The following PTGER3 variants were observed in gnomAD, a reference collection of about 807,000 sequenced individuals.
PTGER3 encodes the protein prostaglandin E receptor 3, also known as prostaglandin E2 receptor EP3 subtype.
In PTGER3, 22 loss-of-function variants were observed where a neutral mutation model predicts 34.7. That is an observed-to-expected ratio of 0.63 (90% CI 0.45 to 0.91). The LOEUF (loss-of-function observed/expected upper bound fraction) is 0.91. Ranked by LOEUF, PTGER3 falls within the 40% of genes least tolerant of loss-of-function variation. PTGER3 has a pLI of 0.00. For synonymous variants in PTGER3, 241 were observed against 230.1 expected, an observed-to-expected ratio of 1.05 and a Z score of -0.43; for missense variants, 468 against 519.4, an observed-to-expected ratio of 0.90 and a Z score of 0.96.
Position 71,044,229 on chromosome 1 carries a change from G to C in PTGER3, c.897+2452C>G, listed in dbSNP as rs192445326. Among the ~76,000 whole-genome samples the C allele has an allele frequency of 1.5e-3, 227 of 151,564 alleles. 2 individuals are homozygous for C. The highest frequency in any genetic ancestry group is 0.013 in the Admixed American group (196 of 15,254). Reference sequence around the variant, plus strand: ...AGGTGGGCGGATCACCTCAGGTCAGGAGTTCGAGACCAGCCTGGCCAACAT... The same window carrying C: ...AGGTGGGCGGATCACCTCAGGTCAGCAGTTCGAGACCAGCCTGGCCAACAT... On this transcript the variant is annotated intron_variant, in intron 1 of 3. Coordinates refer to ENST00000306666, the MANE Select transcript of PTGER3 (RefSeq NM_198719.2).
At position 70,996,639 on chromosome 1, in the gene PTGER3, T is replaced by TTTTTTAA. The variant is rs774610328; in HGVS notation, c.1077+15665_1077+15666insTTAAAAA. 3.8e-4 allele frequency among the ~76,000 whole-genome samples: 47 copies of TTTTTTAA among 122,748 alleles called. 1 individual carries two copies. Among genetic ancestry groups the TTTTTTAA allele is most frequent in the African/African-American group, 1.4e-3 (47 of 33,366 alleles). 80.5% of individuals were successfully genotyped at this position (122,748 alleles called of 152,430 possible). A position where few individuals can be genotyped will look rare whatever the true frequency, so the allele number is the denominator to read the frequency against. ...CCATGCCCGGCTAATTTTTTTGTAT[T>TTTTTTAA]TTTATTTATTTATTTATTTATTTAT... On this transcript the variant is annotated intron_variant, in intron 2 of 3. Transcript: ENST00000306666.
chr1:70,965,963 T>A (rs2100651880), downstream of PTGER3, among the ~76,000 whole-genome samples: 1 of 152,278 alleles, frequency 6.6e-6, no homozygotes, highest in Middle Eastern at 3.4e-3. Context: ...TCTAAAGAGA[T>A]TTAGCATTTG....
intron 2 of PTGER3, among the ~76,000 whole-genome samples, chr1:70,980,358 C>T (rs899437918): frequency 1.3e-5 from 2 of 152,028 alleles, no homozygotes; most frequent in African/African-American, 4.8e-5. Context: ...CCTGGTTCCA[C>T]CAGTTATTAG....
intron 1 of PTGER3, among the ~76,000 whole-genome samples, chr1:71,037,829 T>C (rs1358832750): frequency 6.6e-6 from 1 of 152,226 alleles, no homozygotes; most frequent in Non-Finnish European, 1.5e-5. Flanking sequence ...CTTGCTTCTT[T>C]AATAACTTTC....
At chr1:70,962,846 A>C (rs1202472268) in intron 2 of PTGER3, among the ~76,000 whole-genome samples, 7 of 152,126 alleles carry the variant, frequency 4.6e-5, no homozygotes, top group African/African-American at 1.7e-4. Context: ...AAAACCAATC[A>C]TGCCTTCCCA....
At chr1:71,024,235 TA>T (rs1429061858) in intron 1 of PTGER3, among the ~76,000 whole-genome samples, 2 of 152,184 alleles carry the variant, frequency 1.3e-5, no homozygotes, top group Non-Finnish European at 2.9e-5. Flanking sequence ...TGTGGATCTT[TA>T]AGTCTTAAAA....
At chr1:70,906,571 A>G (rs929809732) in intron 4 of PTGER3, among the ~76,000 whole-genome samples, 1 of 152,222 alleles carries the variant, frequency 6.6e-6, no homozygotes, top group African/African-American at 2.4e-5. Flanking sequence ...AATTCCATAT[A>G]GTAATTTTAT....
chr1:70,980,162 T>C (rs905845192), intron 2 of PTGER3, among the ~76,000 whole-genome samples: 4 of 152,016 alleles, frequency 2.6e-5, no homozygotes, highest in African/African-American at 9.7e-5. Context: ...AGAGAGCAAA[T>C]ACAGCTAGTT....
intron 2 of PTGER3, among the ~76,000 whole-genome samples, chr1:70,986,674 T>C (rs965855523): frequency 2.6e-5 from 4 of 152,176 alleles, no homozygotes; most frequent in Admixed American, 2.0e-4. Flanking sequence ...AAGGGCAGGA[T>C]CAGGACCTGC....
At chr1:70,927,795 G>T (rs529174787) in intron 4 of PTGER3, among the ~76,000 whole-genome samples, 42 of 152,044 alleles carry the variant, frequency 2.8e-4, no homozygotes, top group Admixed American at 5.3e-4. Context: ...CAGCCAAGTG[G>T]CCAATGATGT....
intron 2 of PTGER3, among the ~76,000 whole-genome samples, chr1:70,983,631 A>G (rs1654611596): frequency 6.6e-6 from 1 of 152,154 alleles, no homozygotes; most frequent in African/African-American, 2.4e-5. Context: ...TTATATGTCA[A>G]AGGGAGATAT....
At chr1:70,914,092 A>G (rs1436949336) in intron 4 of PTGER3, among the ~76,000 whole-genome samples, 1 of 151,546 alleles carries the variant, frequency 6.6e-6, no homozygotes, top group Non-Finnish European at 1.5e-5. Context: ...TATATATAGT[A>G]TACATATATA....
intron 2 of PTGER3, among the ~76,000 whole-genome samples, chr1:71,003,251 G>A (rs1656649459): frequency 6.6e-6 from 1 of 152,148 alleles, no homozygotes; most frequent in Non-Finnish European, 1.5e-5. Flanking sequence ...GGTCATCCCT[G>A]CCACTTGCAC....
intron 4 of PTGER3, among the ~76,000 whole-genome samples, chr1:70,913,883 C>A (rs78972908): frequency 0.1 from 15,359 of 151,650 alleles, 820 homozygotes; most frequent in South Asian, 0.12. Context: ...ACTAATTTAA[C>A]AAAAATGTTT....
intron 4 of PTGER3, among the ~76,000 whole-genome samples, chr1:70,877,884 T>G (rs1646306548): frequency 6.6e-6 from 1 of 152,168 alleles, no homozygotes; most frequent in African/African-American, 2.4e-5. Flanking sequence ...TCTATGTTCA[T>G]CAAGGACACT....
chr1:70,970,731 A>T, downstream of PTGER3: 1 of 399,764 alleles, frequency 2.5e-6, no homozygotes, highest in Non-Finnish European at 3.4e-6. Context: ...GATTGAATTT[A>T]AAAGCAGGTA....
rs137858424 is a variant in PTGER3, at chr1:70,976,390, C to A, written c.1078-2002G>T. On this transcript the variant is annotated intron_variant, in intron 2 of 3. Coordinates refer to ENST00000306666, the MANE Select transcript of PTGER3 (RefSeq NM_198719.2). ...AGATTCATCAATTGCAATAAACATA[C>A]CACTCTGGTAGGGGACATTGATAAT... is the stretch of plus-strand genomic sequence containing the variant. Among the ~76,000 whole-genome samples the A allele has an allele frequency of 5.3e-3, 808 of 152,136 alleles. 12 individuals are homozygous for A. Among genetic ancestry groups the A allele is most frequent in the African/African-American group, 0.019 (769 of 41,494 alleles).
At chr1:71,011,020 A>G (rs898368806) in intron 2 of PTGER3, 1 of 985,684 alleles carries the variant, frequency 1.0e-6, no homozygotes, top group Non-Finnish European at 1.2e-6. Flanking sequence ...TTACAAAATG[A>G]ATGCACCAAA....
At chr1:70,967,167 G>T (rs1652612318), downstream of PTGER3, among the ~76,000 whole-genome samples, 1 of 151,822 alleles carries the variant, frequency 6.6e-6, no homozygotes, top group Non-Finnish European at 1.5e-5. Flanking sequence ...TGCCAAAATG[G>T]CATAATATCA....
Sources: allele counts gnomAD v4.1 joint callset (sites outside exome capture counted in the v4.1 genomes callset), GRCh38; gene constraint gnomAD v4.1.1; transcripts MANE v1.5; gene names NCBI Gene and HGNC (gene_info 2026-07-23, HGNC 2026-07-21).